The following SLC19A1 variants were observed in gnomAD, a reference collection of about 807,000 sequenced individuals.
SLC19A1 encodes solute carrier family 19 member 1, also known as reduced folate transporter.
In SLC19A1, 37 loss-of-function variants were observed where a neutral mutation model predicts 35.3. The observed-to-expected ratio is 1.05, with a 90% CI of 0.81 to 1.38. The LOEUF is 1.38. Ranked by LOEUF, SLC19A1 falls within the 40% of genes most tolerant of loss-of-function variation. SLC19A1 has a pLI of 0.00. For missense variants in SLC19A1, 831 were observed against 826.9 expected (o/e 1.00, Z -0.06); for synonymous variants, 460 against 398.5 (o/e 1.15, Z -1.84).
chr21:45,503,682 T>G (rs1159781638), intron 3 of SLC19A1, among the ~76,000 whole-genome samples: 1 of 151,064 alleles, frequency 6.6e-6, no homozygotes, highest in Non-Finnish European at 1.5e-5. Context: ...ATATACCTAA[T>G]GCTAGATGAC....
chr21:45,505,249 C>T lies in SLC19A1; in HGVS notation c.498-6637G>A, dbSNP rs1014617525. ...CCCGGCCCCCCAGGCCCCCCAGGGC[C>T]CCCTTCATTTCCTGGCCCTCACAGG... On this transcript the variant is annotated intron_variant, in intron 3 of 4. Transcript: ENST00000417954. 6.2e-7 allele frequency: 1 copy of T among 1,606,784 alleles called. No homozygotes were observed. The highest frequency in any genetic ancestry group is 2.2e-5 in the East Asian group (1 of 44,766).
chr21:45,519,836 G>A (rs1164273971), intron 5 of SLC19A1, among the ~76,000 whole-genome samples: 1 of 152,144 alleles, frequency 6.6e-6, no homozygotes, highest in Non-Finnish European at 1.5e-5. Flanking sequence ...CACAAGAACT[G>A]AGAGGAAATC....
intron 1 of SLC19A1, among the ~76,000 whole-genome samples, chr21:45,550,933 C>A (rs2078459592): frequency 7.4e-6 from 1 of 134,876 alleles, no homozygotes; most frequent in African/African-American, 2.8e-5. Context: ...CGCCTCCCCA[C>A]AACCCTTCCC....
intron 5 of SLC19A1, among the ~76,000 whole-genome samples, chr21:45,520,730 A>G (rs2077411495): frequency 6.6e-6 from 1 of 152,178 alleles, no homozygotes; most frequent in Admixed American, 6.5e-5. Context: ...TTATAAGAAG[A>G]CAGACACTAG....
At chr21:45,505,785 C>A in intron 3 of SLC19A1, 4 of 1,341,194 alleles carry the variant, frequency 3.0e-6, no homozygotes, top group Non-Finnish European at 3.1e-6. Flanking sequence ...CCTTCCGCCC[C>A]TGCCCCCCGC....
At chr21:45,511,822 C>A (rs959961170), downstream of SLC19A1, among the ~76,000 whole-genome samples, 13 of 152,330 alleles carry the variant, frequency 8.5e-5, no homozygotes, top group Admixed American at 7.8e-4. Context: ...CAGGGCTGGG[C>A]CCCAGGGAAG....
rs1397753991 is a variant in SLC19A1 at position 45,533,905 on chromosome 21, C to T, written c.190-1757G>A. Among the ~76,000 whole-genome samples the T allele has an allele frequency of 6.6e-6, 1 of 152,098 alleles. No individual in the cohort carries two copies. Among genetic ancestry groups the T allele is most frequent in the Non-Finnish European group, 1.5e-5 (1 of 67,978 alleles). ...TGAACAGCTGGGCAATAGGACCCTG[C>T]AGCCAGGCCGGCATGCTGAGAAGCT... On this transcript the variant is annotated intron_variant, in intron 2 of 5. Coordinates refer to ENST00000311124, the MANE Select transcript of SLC19A1 (RefSeq NM_194255.4). The surrounding 1 kb of genome is among the most constrained non-coding windows in gnomAD (Gnocchi z 4.5).
intron 1 of SLC19A1, among the ~76,000 whole-genome samples, chr21:45,555,160 C>CGGGGGGCGGCGCA (rs1555888675): frequency 4.8e-5 from 2 of 41,814 alleles, no homozygotes; most frequent in Admixed American, 4.5e-4. Flanking sequence ...CAGGGGGCGG[C>CGGGGGGCGGCGCA]GGGGGCGGCG....
chr21:45,516,286 G>A (rs1602694511), intron 5 of SLC19A1, 146 bp from the exon 6 acceptor site: 2 of 650,288 alleles, frequency 3.1e-6, no homozygotes, highest in East Asian at 2.9e-5. Flanking sequence ...GCCAGCCCCA[G>A]GAGCAGGTGC....
At chr21:45,509,936 C>G, downstream of SLC19A1, 2 of 1,082,842 alleles carry the variant, frequency 1.8e-6, no homozygotes, top group Non-Finnish European at 2.6e-6. Flanking sequence ...GTGTCACTTG[C>G]GCGCCTCCCG....
chr21:45,511,077 C>T (rs765896966), downstream of SLC19A1: 6 of 1,053,140 alleles, frequency 5.7e-6, no homozygotes, highest in Non-Finnish European at 6.7e-6. Flanking sequence ...CACCCCCACA[C>T]ACCACACACA....
chr21:45,552,418 G>A (rs947815641), intron 1 of SLC19A1, among the ~76,000 whole-genome samples: 2 of 152,126 alleles, frequency 1.3e-5, no homozygotes, highest in African/African-American at 2.4e-5. Context: ...TGTGGACATC[G>A]GTGGCTGTTG....
At chr21:45,509,616 A>C (rs1248850443), downstream of SLC19A1, 2 of 1,379,120 alleles carry the variant, frequency 1.5e-6, no homozygotes, top group South Asian at 1.2e-5. Flanking sequence ...GTGCCCCCCC[A>C]AAGTGGGCTT....
intron 1 of SLC19A1, among the ~76,000 whole-genome samples, chr21:45,550,661 G>A (rs1390114066): frequency 6.6e-6 from 1 of 152,198 alleles, no homozygotes; most frequent in African/African-American, 2.4e-5. Context: ...GGGCTTCCGT[G>A]GTTTTGTTGC....
At chr21:45,503,778 A>C (rs1333353702) in intron 3 of SLC19A1, among the ~76,000 whole-genome samples, 1 of 152,072 alleles carries the variant, frequency 6.6e-6, no homozygotes, top group South Asian at 2.1e-4. Context: ...CTAAAACTTA[A>C]AGTATAATAA....
At chr21:45,549,457 A>G (rs2078443882) in intron 1 of SLC19A1, among the ~76,000 whole-genome samples, 1 of 151,270 alleles carries the variant, frequency 6.6e-6, no homozygotes, top group Non-Finnish European at 1.5e-5. Context: ...TTGCACCTCG[A>G]TAAAATTGTT....
At chr21:45,512,521 T>TC, downstream of SLC19A1, 1 of 844,622 alleles carries the variant, frequency 1.2e-6, no homozygotes, top group South Asian at 1.5e-5. Flanking sequence ...CCTGTATAGT[T>TC]CACGTTTCAT....
downstream of SLC19A1, chr21:45,509,220 CCA>C (rs564318345): frequency 2.0e-4 from 243 of 1,241,042 alleles, no homozygotes; most frequent in African/African-American, 2.3e-3. Context: ...CAGGGCAGCC[CCA>C]GAGTCGGGGG....
In SLC19A1 at chr21:45,515,302, A is replaced by G; in HGVS notation, c.*356T>C. On this transcript the variant is annotated 3_prime_UTR_variant, in exon 6 of 6. Transcript: ENST00000311124. Reference sequence around the variant, plus strand: ...ACTCCTGTGGGGCCAGTGTCCCCTGAGCTGGTATCCAAGAGGCCACTTCAC... The same window carrying G: ...ACTCCTGTGGGGCCAGTGTCCCCTGGGCTGGTATCCAAGAGGCCACTTCAC... 1 of 1,469,866 alleles carries G rather than the reference A, an allele frequency of 6.8e-7. No homozygotes were observed. Among genetic ancestry groups the G allele is most frequent in the Non-Finnish European group, 8.9e-7 (1 of 1,123,412 alleles). The allele number at this position is 1,469,866 out of a possible 1,614,324, so 91.1% of individuals were successfully genotyped here. A position where few individuals can be genotyped will look rare whatever the true frequency, so the allele number is the denominator to read the frequency against.
Sources: allele counts gnomAD v4.1 joint callset (sites outside exome capture counted in the v4.1 genomes callset), GRCh38; gene constraint gnomAD v4.1.1; non-coding constraint Gnocchi (gnomAD v3.1); transcripts MANE v1.5; gene names NCBI Gene and HGNC (gene_info 2026-07-23, HGNC 2026-07-21).